TMEFF1: variants seen among roughly 807,000 people sequenced by gnomAD.
TMEFF1 encodes tomoregulin-1.
A neutral mutation model predicts 47.5 loss-of-function variants in TMEFF1; 20 were observed. The ratio of observed to expected loss-of-function variants is 0.42; its 90% confidence interval spans 0.30 to 0.61. The LOEUF is 0.61. Ranked by LOEUF, TMEFF1 falls within the 20% of genes least tolerant of loss-of-function variation. The pLI, the probability that TMEFF1 is intolerant of heterozygous loss-of-function variation, is 0.19. For missense variants in TMEFF1, 411 were observed against 471.1 expected, an observed-to-expected ratio of 0.87 and a Z score of 1.18; for synonymous variants, 162 against 166.3, an observed-to-expected ratio of 0.97 and a Z score of 0.20.
intron 5 of TMEFF1, among the ~76,000 whole-genome samples, chr9:100,535,419 T>G (rs1838484528): frequency 6.6e-6 from 1 of 152,198 alleles, no homozygotes; most frequent in South Asian, 2.1e-4. Flanking sequence ...TTCCCTTTTT[T>G]GAATCATCCC....
chr9:100,540,522 G>A (rs913952803), intron 5 of TMEFF1, among the ~76,000 whole-genome samples: 13 of 143,968 alleles, frequency 9.0e-5, no homozygotes, highest in Non-Finnish European at 1.7e-4. Context: ...CCACCTCCCC[G>A]CTAGCAGAGG....
chr9:100,513,434 A>C, intron 4 of TMEFF1, 101 bp downstream of exon 4: 6 of 1,373,108 alleles, frequency 4.4e-6, no homozygotes, highest in Non-Finnish European at 4.9e-6. Context: ...GATATAATTC[A>C]CATACCATAT....
chr9:100,536,965 C>G (rs1453557533), intron 5 of TMEFF1, among the ~76,000 whole-genome samples: 4 of 152,268 alleles, frequency 2.6e-5, no homozygotes, highest in Non-Finnish European at 2.9e-5. Flanking sequence ...GACTTGTCAA[C>G]ATTATGAATA....
intron 8 of TMEFF1, among the ~76,000 whole-genome samples, chr9:100,564,144 G>A (rs1327950975): frequency 3.3e-5 from 5 of 152,096 alleles, no homozygotes; most frequent in Admixed American, 6.5e-5. Flanking sequence ...GAGCAATCTC[G>A]GCTCACTGCA....
At chr9:100,534,269 A>G (rs532494175) in intron 5 of TMEFF1, among the ~76,000 whole-genome samples, 1 of 152,192 alleles carries the variant, frequency 6.6e-6, no homozygotes, top group Non-Finnish European at 1.5e-5. Context: ...ATGAATAGAG[A>G]AAACACTGGT....
intron 7 of TMEFF1, among the ~76,000 whole-genome samples, chr9:100,553,547 A>T (rs190968643): frequency 2.2e-4 from 33 of 152,038 alleles, no homozygotes; most frequent in Middle Eastern, 3.4e-3. Context: ...GAGCATTTGT[A>T]TGTCTAGAAT....
chr9:100,520,772 T>C (rs1053289748), intron 5 of TMEFF1, among the ~76,000 whole-genome samples: 2 of 152,200 alleles, frequency 1.3e-5, no homozygotes, highest in Non-Finnish European at 2.9e-5. Context: ...CTGATTTTTA[T>C]AGGTGAAGGT....
chr9:100,511,693 T>G (rs1837969832), intron 3 of TMEFF1, among the ~76,000 whole-genome samples: 1 of 152,248 alleles, frequency 6.6e-6, no homozygotes, highest in Non-Finnish European at 1.5e-5. Flanking sequence ...AGAGTTTGTT[T>G]ATACCTTGGG....
At chr9:100,573,302 T>C (rs1273571890) in intron 9 of TMEFF1, among the ~76,000 whole-genome samples, 2 of 152,156 alleles carry the variant, frequency 1.3e-5, no homozygotes, top group African/African-American at 2.4e-5. Context: ...GATATCATGG[T>C]GTTAACATTA....
At chr9:100,522,122 A>T (rs535296605) in intron 5 of TMEFF1, among the ~76,000 whole-genome samples, 1 of 152,188 alleles carries the variant, frequency 6.6e-6, no homozygotes, top group African/African-American at 2.4e-5. Flanking sequence ...GTGTCCTGCA[A>T]TATATCCTCC....
intron 5 of TMEFF1, among the ~76,000 whole-genome samples, chr9:100,546,019 A>G (rs1365378683): frequency 2.0e-5 from 3 of 152,160 alleles, no homozygotes; most frequent in African/African-American, 7.2e-5. Context: ...GGAAGTTCCA[A>G]ACTTTCCCAC....
At chr9:100,539,841 A>T (rs11793457) in intron 5 of TMEFF1, among the ~76,000 whole-genome samples, 3,821 of 152,240 alleles carry the variant, frequency 0.025, 60 homozygotes, top group Non-Finnish European at 0.033. Flanking sequence ...TCCGTTTTAC[A>T]GGGGGCTGAT....
chr9:100,494,638 G>A (rs1837618602), intron 1 of TMEFF1, among the ~76,000 whole-genome samples: 1 of 152,088 alleles, frequency 6.6e-6, no homozygotes, highest in Admixed American at 6.6e-5. Context: ...AAGGAGGAAG[G>A]GACAGTGCCT....
chr9:100,531,690 C>T (rs564548369), intron 5 of TMEFF1, among the ~76,000 whole-genome samples: 21 of 152,170 alleles, frequency 1.4e-4, no homozygotes, highest in Non-Finnish European at 1.8e-4. Context: ...TCAATGCCAT[C>T]CCCATCAAGC....
chr9:100,498,713 A>C, intron 1 of TMEFF1, 52 bp from the exon 2 acceptor site: 1 of 1,564,840 alleles, frequency 6.4e-7, no homozygotes, highest in East Asian at 2.2e-5. Context: ...ACAGACACAC[A>C]CACGTAATAA....
In TMEFF1 at chr9:100,519,647, CTTTTTTTTTTTTTTTT is replaced by C. The variant is rs60569330; in HGVS notation, c.560+2890_560+2905del. The stretch of plus-strand genomic sequence containing the variant: ...TACTTTGAGGACTGCTGCCCAGTGA[CTTTTTTTTTTTTTTTT>C]TTTTTTTTTTTTTAACAAAAACACT... On this transcript the variant is annotated intron_variant, in intron 5 of 9. Coordinates refer to ENST00000374879, the MANE Select transcript of TMEFF1 (RefSeq NM_003692.5). Among the ~76,000 whole-genome samples, 13 of 65,168 alleles carry C rather than the reference CTTTTTTTTTTTTTTTT, an allele frequency of 2.0e-4. No homozygotes were observed. In the East Asian group the frequency reaches 3.1e-3, roughly 16 times the overall value. The allele number at this position is 65,168 out of a possible 152,430, so 42.8% of individuals were successfully genotyped here.
chr9:100,487,137 TTTA>T (rs1837465388), intron 1 of TMEFF1, among the ~76,000 whole-genome samples: 1 of 145,520 alleles, frequency 6.9e-6, no homozygotes, highest in Admixed American at 6.6e-5. Context: ...TTCTCTTTAT[TTTA>T]TTTTTTAAAA....
intron 8 of TMEFF1, among the ~76,000 whole-genome samples, chr9:100,571,698 G>A (rs1587861402): frequency 6.6e-6 from 1 of 152,080 alleles, no homozygotes; most frequent in Admixed American, 6.6e-5. Flanking sequence ...CATTTATTGT[G>A]CACTTTATTT....
In TMEFF1 at chr9:100,550,135, A is replaced by G; in HGVS notation, c.750A>G (p.Gly250=). 1 of 1,612,164 alleles carries G rather than the reference A, an allele frequency of 6.2e-7. No individual in the cohort carries two copies. The highest frequency in any genetic ancestry group is 8.5e-7 in the Non-Finnish European group (1 of 1,179,282). The change falls in exon 7 of 10, where the codon GGA becomes GGG. Residue 250 remains glycine (G), a synonymous_variant. Transcript: ENST00000374879. ...GTTTGTTGGGAAAGAAAGATGATGG[A>G]CTACAATATCGACCAGATGTGAAAG... ...DTSLLGKKDD[G]LQYRPDVKDA...
Sources: gnomAD v4.1 joint callset for allele counts (sites outside exome capture counted in the v4.1 genomes callset) on GRCh38, gnomAD v4.1.1 for gene constraint, MANE v1.5 for transcripts, NCBI Gene and HGNC (gene_info 2026-07-23, HGNC 2026-07-21) for gene names.